Variants in SLC24A2 observed in about 807,000 individuals in gnomAD.
SLC24A2 encodes solute carrier family 24 member 2, also known as sodium/potassium/calcium exchanger 2.
Under a neutral mutation model 62.0 loss-of-function variants are expected in SLC24A2, and 36 were observed. The observed-to-expected ratio is 0.58, with a 90% confidence interval of 0.44 to 0.77. The LOEUF (loss-of-function observed/expected upper bound fraction) is 0.77, where lower values mean the gene tolerates loss of function less well. Among genes scored for constraint, SLC24A2 ranks in the 30% least tolerant of loss-of-function variants. SLC24A2 has a pLI of 0.00. For missense variants in SLC24A2, 846 were observed against 817.9 expected, an observed-to-expected ratio of 1.03 and a Z score of -0.42; for synonymous variants, 358 against 294.0, an observed-to-expected ratio of 1.22 and a Z score of -2.23.
At chr9:19,946,374 G>A in the SLC24A2 span, among the ~76,000 whole-genome samples, 1 of 152,146 alleles carries the variant, frequency 6.6e-6, no homozygotes, top group African/African-American at 2.4e-5. Flanking sequence ...GACTTAATGG[G>A]CCTTGAGTTT....
the SLC24A2 span, among the ~76,000 whole-genome samples, chr9:19,870,959 G>A: frequency 3.0e-3 from 458 of 151,994 alleles, no homozygotes; most frequent in Non-Finnish European, 4.0e-3. Flanking sequence ...CCTCTGGGTT[G>A]TCTTTTGACT....
At chr9:19,530,631 A>C (rs759231497) in intron 8 of SLC24A2, among the ~76,000 whole-genome samples, 14 of 152,346 alleles carry the variant, frequency 9.2e-5, no homozygotes, top group Non-Finnish European at 1.8e-4. Flanking sequence ...GTATCAGAAA[A>C]GGAATTAAAG....
the SLC24A2 span, among the ~76,000 whole-genome samples, chr9:20,022,223 C>T: frequency 6.6e-6 from 1 of 152,038 alleles, no homozygotes; most frequent in Non-Finnish European, 1.5e-5. Context: ...TTCTCTATAC[C>T]ACCCACGAAA....
At chr9:19,647,864 G>T (rs1020110614) in intron 2 of SLC24A2, among the ~76,000 whole-genome samples, 1 of 152,204 alleles carries the variant, frequency 6.6e-6, no homozygotes, top group Non-Finnish European at 1.5e-5. Flanking sequence ...CAAGGTTATA[G>T]GGTATCTCAC....
intron 2 of SLC24A2, among the ~76,000 whole-genome samples, chr9:19,720,057 C>CT (rs1364085336): frequency 6.6e-6 from 1 of 152,130 alleles, no homozygotes; most frequent in African/African-American, 2.4e-5. Context: ...ATGAACTAGG[C>CT]TGGAGGTAAA....
At chr9:19,563,408 C>G (rs996935651) in intron 7 of SLC24A2, among the ~76,000 whole-genome samples, 5 of 152,062 alleles carry the variant, frequency 3.3e-5, no homozygotes, top group Admixed American at 2.6e-4. Flanking sequence ...AGAAAGGCGA[C>G]TTTCTCTTTG....
the SLC24A2 span, among the ~76,000 whole-genome samples, chr9:19,911,736 C>T: frequency 5.9e-5 from 9 of 152,186 alleles, no homozygotes; most frequent in African/African-American, 2.2e-4. Context: ...TAGCTTTCCA[C>T]TCAGCCTGTC....
intron 2 of SLC24A2, among the ~76,000 whole-genome samples, chr9:19,624,858 G>A (rs1279647378): frequency 1.3e-5 from 2 of 152,066 alleles, no homozygotes; most frequent in Admixed American, 1.3e-4. Context: ...CTGATAATTC[G>A]AAGTTCACCT....
intron 8 of SLC24A2, 122 bp downstream of exon 8, chr9:19,550,015 T>C: frequency 1.1e-6 from 1 of 920,606 alleles, no homozygotes; most frequent in Admixed American, 1.8e-5. Context: ...TTATGGGGTA[T>C]ATGTGAGATT....
chr9:20,057,018 C>A, the SLC24A2 span, among the ~76,000 whole-genome samples: 1 of 152,170 alleles, frequency 6.6e-6, no homozygotes, highest in Non-Finnish European at 1.5e-5. Context: ...TTATTTCAAA[C>A]CCAGAGTGGA....
chr9:20,045,951 G>C, the SLC24A2 span, among the ~76,000 whole-genome samples: 1 of 152,170 alleles, frequency 6.6e-6, no homozygotes, highest in African/African-American at 2.4e-5. Context: ...CATATGGAGA[G>C]AACAACTAGT....
chr9:19,518,358 T>G (rs550418186), intron 10 of SLC24A2, among the ~76,000 whole-genome samples: 1 of 152,252 alleles, frequency 6.6e-6, no homozygotes, highest in South Asian at 2.1e-4. Flanking sequence ...ACACAAGAAT[T>G]TCAAAAGGTT....
At chr9:20,188,200 A>C in the SLC24A2 span, among the ~76,000 whole-genome samples, 1 of 152,172 alleles carries the variant, frequency 6.6e-6, no homozygotes, top group African/African-American at 2.4e-5. Flanking sequence ...CAAATTAGAG[A>C]ACACTCTCCA....
chr9:20,205,297 G>A, the SLC24A2 span, among the ~76,000 whole-genome samples: 2 of 152,066 alleles, frequency 1.3e-5, no homozygotes, highest in African/African-American at 4.8e-5. Flanking sequence ...ATTGCAAGCT[G>A]AACTACTCAA....
At chr9:19,689,946 T>C (rs1819994950) in intron 2 of SLC24A2, among the ~76,000 whole-genome samples, 1 of 152,216 alleles carries the variant, frequency 6.6e-6, no homozygotes, top group Middle Eastern at 3.4e-3. Context: ...AACTACTGAG[T>C]GCCTGAACAG....
At chr9:19,713,488 T>A (rs1182644) in intron 2 of SLC24A2, among the ~76,000 whole-genome samples, 1 of 152,212 alleles carries the variant, frequency 6.6e-6, no homozygotes, top group African/African-American at 2.4e-5. Flanking sequence ...ACCACTTTTA[T>A]GAATAGTATG....
chr9:19,717,240 G>C (rs1340159346), intron 2 of SLC24A2, among the ~76,000 whole-genome samples: 2 of 152,214 alleles, frequency 1.3e-5, no homozygotes, highest in Non-Finnish European at 2.9e-5. Flanking sequence ...GCAAACTTGA[G>C]CATATTGTGC....
At chr9:20,284,619 T>G in the SLC24A2 span, among the ~76,000 whole-genome samples, 3 of 152,172 alleles carry the variant, frequency 2.0e-5, no homozygotes, top group Non-Finnish European at 1.5e-5. Flanking sequence ...AAGAAGAGAT[T>G]TTTTTAAAGA....
At chr9:20,260,101 T>A in the SLC24A2 span, among the ~76,000 whole-genome samples, 108 of 152,084 alleles carry the variant, frequency 7.1e-4, no homozygotes, top group African/African-American at 2.5e-3. Flanking sequence ...AACAAATAAA[T>A]AAATAAAAGG....
Sources: allele counts gnomAD v4.1 joint callset (sites outside exome capture counted in the v4.1 genomes callset), GRCh38; gene constraint gnomAD v4.1.1; transcripts MANE v1.5; gene names NCBI Gene and HGNC (gene_info 2026-07-23, HGNC 2026-07-21).